The following PCDH19 variants were observed in gnomAD, a reference collection of about 807,000 sequenced individuals.
PCDH19 encodes protocadherin-19.
Under a neutral mutation model 46.2 loss-of-function variants are expected in PCDH19, and 6 were observed. That is an observed-to-expected ratio of 0.13 (90% CI 0.07 to 0.26). The LOEUF (loss-of-function observed/expected upper bound fraction) is 0.26. Among genes scored for constraint, PCDH19 ranks in the 10% least tolerant of loss-of-function variants. The pLI is 1.00. For synonymous variants in PCDH19, 481 were observed against 415.7 expected, an observed-to-expected ratio of 1.16 and a Z score of -1.91; for missense variants, 740 against 972.3, an observed-to-expected ratio of 0.76 and a Z score of 3.18.
In PCDH19 at chrX:100,314,252, A is replaced by G. The variant is rs1925230133; in HGVS notation, c.2849-17377T>C. 2.7e-5 allele frequency among the ~76,000 whole-genome samples: 3 copies of G among 111,758 alleles called. No homozygotes were observed. In the South Asian group the frequency reaches 1.1e-3, roughly 42 times the overall value. On this transcript the variant is annotated intron_variant, in intron 5 of 5. Transcript: ENST00000373034. ...TTGAGAAGCATTTTTGTACTGTTCA[A>G]CAGACTGAAAATAATACCCTTTTTT...
intron 3 of PCDH19, among the ~76,000 whole-genome samples, chrX:100,393,359 C>A (rs1927916411): frequency 2.7e-5 from 3 of 110,674 alleles, no homozygotes; most frequent in African/African-American, 9.9e-5. Flanking sequence ...GTACGGTCAG[C>A]CCAGCCGGCA....
At position 100,410,061 on chromosome X, in the gene PCDH19, G is replaced by A; in HGVS notation, c.-1464C>T. 1 of 297,278 alleles carries A rather than the reference G, an allele frequency of 3.4e-6. No individual in the cohort carries two copies. Among genetic ancestry groups the A allele is most frequent in the Non-Finnish European group, 5.9e-6 (1 of 170,454 alleles). 24.5% of individuals were successfully genotyped at this position (297,278 alleles called of 1,213,427 possible). On this transcript the variant is annotated 5_prime_UTR_variant, in exon 1 of 6. Coordinates refer to ENST00000373034, the MANE Select transcript of PCDH19 (RefSeq NM_001184880.2). Reference sequence around the variant, plus strand: ...AATGGGTTTGGGGTAGGAGGTTTAGGATTTCGGATGAAATCGCTCAGCCGG... The same window carrying A: ...AATGGGTTTGGGGTAGGAGGTTTAGAATTTCGGATGAAATCGCTCAGCCGG...
At chrX:100,401,927 A>C (rs747838828) in intron 3 of PCDH19, among the ~76,000 whole-genome samples, 1 of 111,888 alleles carries the variant, frequency 8.9e-6, no homozygotes, top group African/African-American at 3.3e-5. Context: ...CAATAATGAC[A>C]GTTTCAATCT....
At chrX:100,402,017 T>G (rs1182324719) in intron 3 of PCDH19, among the ~76,000 whole-genome samples, 1 of 112,347 alleles carries the variant, frequency 8.9e-6, no homozygotes, top group East Asian at 2.8e-4. Context: ...TGCCTCCCTT[T>G]AACCAGCCTA....
intron 5 of PCDH19, among the ~76,000 whole-genome samples, chrX:100,311,409 A>G: frequency 9.0e-6 from 1 of 111,420 alleles, no homozygotes; most frequent in Middle Eastern, 4.6e-3. Context: ...GAATGGAACA[A>G]AAAGGGCACC....
At chrX:100,310,431 T>G (rs1925096104) in intron 5 of PCDH19, among the ~76,000 whole-genome samples, 1 of 111,293 alleles carries the variant, frequency 9.0e-6, no homozygotes, top group Non-Finnish European at 1.9e-5. Flanking sequence ...GTGACTGAGA[T>G]AAGCAGAGAT....
chrX:100,408,815 G>C lies in PCDH19; in HGVS notation c.-218C>G. On this transcript the variant is annotated 5_prime_UTR_variant, in exon 1 of 6. Transcript: ENST00000373034. ...TGCGGCGGACGCGGCGGGGGCTCGC[G>C]GGGGCCCCGGGGGCTCCGAGGGGCC... 2.3e-5 allele frequency: 3 copies of C among 129,553 alleles called. No individual in the cohort carries two copies. Among genetic ancestry groups the C allele is most frequent in the Non-Finnish European group, 4.6e-5 (3 of 64,670 alleles). The allele number at this position is 129,553 out of a possible 1,213,427, so 10.7% of individuals were successfully genotyped here.
Position 100,340,612 on chromosome X carries a change from G to A in PCDH19, c.2848+1291C>T, listed in dbSNP as rs183615445. Among the ~76,000 whole-genome samples, 16 of 111,491 alleles carry A rather than the reference G, an allele frequency of 1.4e-4. No homozygotes were observed. The South Asian group carries it at 4.6e-3, about 32-fold the overall frequency. On this transcript the variant is annotated intron_variant, in intron 5 of 5. Coordinates refer to ENST00000373034, the MANE Select transcript of PCDH19 (RefSeq NM_001184880.2). Reference sequence around the variant, plus strand: ...CAGAAAGTGTATTATCTCTGCAGATGTCACCACTCACCAATTAGGGAAGAC... The same window carrying A: ...CAGAAAGTGTATTATCTCTGCAGATATCACCACTCACCAATTAGGGAAGAC...
At chrX:100,389,861 C>T (rs1927817735) in intron 3 of PCDH19, among the ~76,000 whole-genome samples, 1 of 111,488 alleles carries the variant, frequency 9.0e-6, no homozygotes, top group African/African-American at 3.3e-5. Flanking sequence ...TGCTCATTTT[C>T]ATTGTTTTTA....
Position 100,403,586 on chromosome X carries a change from A to G in PCDH19, c.2226T>C (p.Val742=). ...TGTCTTGCTCCTCGCTAATGGGAGA[A>G]ACCGAGATGCAATGCAGACACTTGC... is the stretch of plus-strand genomic sequence containing the variant. The part of the protein sequence containing the change: ...QNSKCLHCIS[V]SPISEEQDKK... Residue 742 remains valine (V), a synonymous_variant, in exon 2 of 6, where the codon GTT becomes GTC. Transcript: ENST00000373034. 8.3e-7 allele frequency: 1 copy of G among 1,208,393 alleles called. No individual in the cohort carries two copies. The highest frequency in any genetic ancestry group is 1.1e-6 in the Non-Finnish European group (1 of 893,190).
rs113930940 is a variant in PCDH19, at chrX:100,293,878, G to A, written c.*2399C>T. ...TAACCATTTAAAACTTGGCTGGTAA[G>A]AGGCATGGCAGCCAGTGGCCTCTCT... On this transcript the variant is annotated 3_prime_UTR_variant, in exon 6 of 6. Transcript: ENST00000373034. 2 of 111,918 alleles carry A rather than the reference G, an allele frequency of 1.8e-5. No homozygotes were observed. Among genetic ancestry groups the A allele is most frequent in the African/African-American group, 6.5e-5 (2 of 30,778 alleles). The allele number at this position is 111,918 out of a possible 1,213,427, so 9.2% of individuals were successfully genotyped here.
At position 100,322,859 on chromosome X, in the gene PCDH19, A is replaced by ATTTTT. The variant is rs1400588865; in HGVS notation, c.2848+19043_2848+19044insAAAAA. Among the ~76,000 whole-genome samples the ATTTTT allele has an allele frequency of 4.9e-3, 213 of 43,659 alleles. 7 individuals carry two copies. Among genetic ancestry groups the ATTTTT allele is most frequent in the African/African-American group, 0.023 (172 of 7,356 alleles). The allele number at this position is 43,659 out of a possible 115,157, so 37.9% of individuals were successfully genotyped here. A position where few individuals can be genotyped will look rare whatever the true frequency, so the allele number is the denominator to read the frequency against. On this transcript the variant is annotated intron_variant, in intron 5 of 5. Transcript: ENST00000373034. ...TATATATATATATATATATATATAT[A>ATTTTT]TATATATTTTTGCAGCTATTGTAAA...
Position 100,303,289 on chromosome X carries a change from A to AGAAG in PCDH19, c.2849-6418_2849-6415dup, listed in dbSNP as rs1220882386. 4.5e-5 allele frequency among the ~76,000 whole-genome samples: 5 copies of AGAAG among 110,585 alleles called. No homozygotes were observed. The East Asian group carries it at 1.1e-3, about 25-fold the overall frequency. On this transcript the variant is annotated intron_variant, in intron 5 of 5. Transcript: ENST00000373034. The stretch of plus-strand genomic sequence containing the variant: ...ATGGAAAAGAAAGGAAGGAAATGGA[A>AGAAG]GAAGGAAGGAAGGAAGAAAGGAAGG...
rs771892644 is a variant in PCDH19 at position 100,324,671 on chromosome X, A to C, written c.2848+17232T>G. Among the ~76,000 whole-genome samples, 9 of 112,477 alleles carry C rather than the reference A, an allele frequency of 8.0e-5. No homozygotes were observed. The South Asian group carries it at 1.8e-3, about 23-fold the overall frequency. ...AAAGGAGAGATCAGGACAAACCATT[A>C]GTCAAAAGAGGCTGCTTTCTGGGAC... On this transcript the variant is annotated intron_variant, in intron 5 of 5. Transcript: ENST00000373034.
chrX:100,303,453 A>G (rs1300914992), intron 5 of PCDH19, among the ~76,000 whole-genome samples: 1 of 112,054 alleles, frequency 8.9e-6, no homozygotes, highest in East Asian at 2.8e-4. Flanking sequence ...TCTGTTATGT[A>G]TCTAGCAAAA....
chrX:100,333,211 A>AAG (rs1925969915), intron 5 of PCDH19, among the ~76,000 whole-genome samples: 1 of 101,955 alleles, frequency 9.8e-6, no homozygotes, highest in South Asian at 4.7e-4. Context: ...GAAAGAAAGA[A>AAG]AGAAAGAAAG....
intron 3 of PCDH19, among the ~76,000 whole-genome samples, chrX:100,353,951 T>C (rs1288782106): frequency 8.9e-6 from 1 of 111,902 alleles, no homozygotes; most frequent in African/African-American, 3.3e-5. Context: ...GATTCACCCA[T>C]TGTCCTGTGC....
At chrX:100,392,915 T>C in intron 3 of PCDH19, among the ~76,000 whole-genome samples, 1 of 111,488 alleles carries the variant, frequency 9.0e-6, no homozygotes, top group Middle Eastern at 4.6e-3. Flanking sequence ...TCCATTCTTC[T>C]CACTTAGAAA....
intron 3 of PCDH19, among the ~76,000 whole-genome samples, chrX:100,395,986 A>G (rs1229499482): frequency 3.6e-5 from 4 of 112,427 alleles, no homozygotes; most frequent in African/African-American, 1.3e-4. Flanking sequence ...TCACGCATCA[A>G]GAAATCAAGC....
Sources: gnomAD v4.1 joint callset for allele counts (sites outside exome capture counted in the v4.1 genomes callset) on GRCh38, gnomAD v4.1.1 for gene constraint, MANE v1.5 for transcripts, NCBI Gene and HGNC (gene_info 2026-07-23, HGNC 2026-07-21) for gene names.